HIVEP1: variants seen among roughly 807,000 people sequenced by gnomAD.
HIVEP1 encodes the protein HIVEP zinc finger 1, also known as zinc finger protein 40.
HIVEP1 carries 36 observed loss-of-function variants against 180.0 expected under a neutral mutation model. The observed-to-expected ratio is 0.20, with a 90% CI of 0.15 to 0.26. HIVEP1 has a LOEUF of 0.26. HIVEP1 is among the 10% of genes least tolerant of loss of function. The pLI is 1.00. For missense variants in HIVEP1, 3,143 were observed against 3,268.7 expected (o/e 0.96, Z 0.94); for synonymous variants, 1,239 against 1,239.0 (o/e 1.00, Z 0.00).
chr6:12,010,567 T>G (rs1332392405), upstream of HIVEP1, among the ~76,000 whole-genome samples: 1 of 152,186 alleles, frequency 6.6e-6, no homozygotes. Flanking sequence ...TTTAGCATTT[T>G]TATTCCTTAA....
intron 3 of HIVEP1, among the ~76,000 whole-genome samples, chr6:12,116,851 A>G (rs1775246925): frequency 6.6e-6 from 1 of 152,208 alleles, no homozygotes; most frequent in African/African-American, 2.4e-5. Context: ...TTACTCCAGA[A>G]ACACAAGTGT....
At position 12,123,979 on chromosome 6, in the gene HIVEP1, C is replaced by T. The variant is rs748636301; in HGVS notation, c.4184C>T (p.Pro1395Leu). The T allele has an allele frequency of 1.9e-6, 3 of 1,614,136 alleles. No individual in the cohort carries two copies. Reference sequence around the variant, plus strand: ...TCATTCGATTGTGGAAGCATCACCCCACCCCAGACAACACCACTTACTGAA... The same window carrying T: ...TCATTCGATTGTGGAAGCATCACCCTACCCCAGACAACACCACTTACTGAA... ...SKSFDCGSIT[P>L]PQTTPLTELQ... Residue 1395 changes from proline (P) to leucine (L), a missense_variant, in exon 4 of 9, where the codon CCA (proline) becomes CTA (leucine). Pro to Leu is a moderately conservative substitution (Grantham distance 98). This residue lies in a region of HIVEP1 where 1,357 missense variants were observed against 1,260.5 expected (regional missense o/e 1.08). Transcript: ENST00000379388.
At chr6:12,167,556 A>ATATATACATGT (rs1562023351), downstream of HIVEP1, among the ~76,000 whole-genome samples, 10 of 87,134 alleles carry the variant, frequency 1.1e-4, no homozygotes, top group African/African-American at 4.8e-4. Context: ...TAATATATGT[A>ATATATACATGT]TATATTACAT....
At chr6:12,177,206 T>C in the HIVEP1 span, among the ~76,000 whole-genome samples, 4 of 152,218 alleles carry the variant, frequency 2.6e-5, no homozygotes, top group East Asian at 5.8e-4. Context: ...AAAAAACAAC[T>C]ATTGAGTACT....
the HIVEP1 span, among the ~76,000 whole-genome samples, chr6:12,180,348 G>A: frequency 7.8e-3 from 1,190 of 152,042 alleles, 19 homozygotes; most frequent in African/African-American, 0.027. Flanking sequence ...TTGTTTTCTC[G>A]GCATATACAT....
chr6:12,198,983 G>A, the HIVEP1 span, among the ~76,000 whole-genome samples: 1 of 152,214 alleles, frequency 6.6e-6, no homozygotes, highest in Non-Finnish European at 1.5e-5. Flanking sequence ...AGAGGTGTTG[G>A]TGGCTTGAGC....
chr6:12,207,270 C>A, the HIVEP1 span, among the ~76,000 whole-genome samples: 1 of 152,112 alleles, frequency 6.6e-6, no homozygotes, highest in Non-Finnish European at 1.5e-5. Flanking sequence ...AAGTAATGTG[C>A]CTGCTGAAGA....
At chr6:12,096,275 T>A (rs192031265) in intron 3 of HIVEP1, among the ~76,000 whole-genome samples, 2 of 152,158 alleles carry the variant, frequency 1.3e-5, no homozygotes, top group African/African-American at 4.8e-5. Context: ...TAAGGAAAAC[T>A]GTTCTAGTAA....
intron 2 of HIVEP1, among the ~76,000 whole-genome samples, chr6:12,066,500 T>G (rs1195213028): frequency 6.6e-6 from 1 of 152,230 alleles, no homozygotes; most frequent in East Asian, 1.9e-4. Flanking sequence ...CTAGTTCAGA[T>G]CCATACATAT....
chr6:12,089,802 T>A (rs1226228161), intron 3 of HIVEP1, among the ~76,000 whole-genome samples: 1 of 152,090 alleles, frequency 6.6e-6, no homozygotes, highest in Non-Finnish European at 1.5e-5. Flanking sequence ...ATGTAAAATA[T>A]CTTATTTTTT....
At chr6:12,109,721 A>G (rs1460480764) in intron 3 of HIVEP1, among the ~76,000 whole-genome samples, 1 of 152,172 alleles carries the variant, frequency 6.6e-6, no homozygotes, top group Admixed American at 6.5e-5. Flanking sequence ...TGAGGACTGG[A>G]ATCTGCTTCT....
intron 2 of HIVEP1, chr6:12,037,796 G>A: frequency 2.2e-6 from 1 of 455,120 alleles, no homozygotes; most frequent in Non-Finnish European, 3.9e-6. Context: ...AAACTTCTGG[G>A]GACAAGCTAA....
At chr6:12,040,516 C>G (rs941681613) in intron 2 of HIVEP1, among the ~76,000 whole-genome samples, 4 of 152,074 alleles carry the variant, frequency 2.6e-5, no homozygotes, top group African/African-American at 9.7e-5. Flanking sequence ...TAGAAAGAAA[C>G]TGCAATGACT....
chr6:12,053,151 A>G (rs1430224214), intron 2 of HIVEP1, among the ~76,000 whole-genome samples: 1 of 152,170 alleles, frequency 6.6e-6, no homozygotes, highest in Admixed American at 6.5e-5. Flanking sequence ...TGTCCATAGT[A>G]TATGGTGTTC....
intron 7 of HIVEP1, among the ~76,000 whole-genome samples, chr6:12,143,032 C>T (rs146933178): frequency 0.19 from 29,108 of 152,066 alleles, 3,168 homozygotes; most frequent in East Asian, 0.47. Flanking sequence ...TAACTCATTT[C>T]ATGAGGCCAG....
chr6:12,114,683 T>C (rs551623166), intron 3 of HIVEP1, among the ~76,000 whole-genome samples: 27 of 152,368 alleles, frequency 1.8e-4, no homozygotes, highest in African/African-American at 6.3e-4. Context: ...TTTGTAATTA[T>C]TTTAAATGGA....
At chr6:12,021,351 T>C (rs577803273) in intron 2 of HIVEP1, among the ~76,000 whole-genome samples, 4 of 152,322 alleles carry the variant, frequency 2.6e-5, no homozygotes, top group Admixed American at 2.6e-4. Flanking sequence ...GGTATTTCTG[T>C]GCTTGGTTGT....
chr6:12,168,383 T>A (rs1562025092), downstream of HIVEP1, among the ~76,000 whole-genome samples: 1,682 of 110,880 alleles, frequency 0.015, 23 homozygotes, highest in Middle Eastern at 0.033. Flanking sequence ...CATGTATATA[T>A]GTATATATAT....
At chr6:12,151,142 C>CA (rs534251327) in intron 7 of HIVEP1, among the ~76,000 whole-genome samples, 1 of 152,128 alleles carries the variant, frequency 6.6e-6, no homozygotes, top group African/African-American at 2.4e-5. Flanking sequence ...AAAACTTTGA[C>CA]AAAAATGTTG....
Sources: allele counts gnomAD v4.1 joint callset (sites outside exome capture counted in the v4.1 genomes callset), GRCh38; gene constraint gnomAD v4.1.1; regional missense constraint gnomAD v4.1.1; transcripts MANE v1.5; gene names NCBI Gene and HGNC (gene_info 2026-07-23, HGNC 2026-07-21).